NID2: variants seen among roughly 807,000 people sequenced by gnomAD.
NID2 encodes the protein nidogen 2, also known as nidogen-2.
Under a neutral mutation model 145.4 loss-of-function variants are expected in NID2, and 83 were observed. That is an observed-to-expected ratio of 0.57 (90% confidence interval 0.48 to 0.69). The LOEUF (loss-of-function observed/expected upper bound fraction) is 0.69. Ranked by LOEUF, NID2 falls within the 30% of genes least tolerant of loss-of-function variation. The pLI is 0.00. For synonymous variants in NID2, 739 were observed against 701.3 expected, an observed-to-expected ratio of 1.05 and a Z score of -0.85; for missense variants, 1,807 against 1,765.7, an observed-to-expected ratio of 1.02 and a Z score of -0.42.
Position 52,042,165 on chromosome 14 carries a change from G to A in NID2, c.1765C>T (p.Leu589=). The stretch of plus-strand genomic sequence containing the variant: ...TCTAAAGCAAAGAGCCAGCCAAACA[G>A]GCCTCCAATTGGTGTGAGGGGGAGG... ...ALLPLTPIGG[L]FGWLFALEKP... The change falls in exon 7 of 22, where the codon CTG becomes TTG. Residue 589 remains leucine (L), a synonymous_variant. Coordinates refer to ENST00000216286, the MANE Select transcript of NID2 (RefSeq NM_007361.4). The A allele has an allele frequency of 6.2e-7, 1 of 1,613,482 alleles. No homozygotes were observed. The highest frequency in any genetic ancestry group is 8.5e-7 in the Non-Finnish European group (1 of 1,179,530).
intron 12 of NID2, among the ~76,000 whole-genome samples, chr14:52,022,418 A>G (rs945501722): frequency 6.6e-6 from 1 of 152,162 alleles, no homozygotes; most frequent in Non-Finnish European, 1.5e-5. Flanking sequence ...TCACACCATG[A>G]TAGAGACTAG....
chr14:52,068,860 G>A lies in NID2; in HGVS notation c.135C>T (p.Asp45=). Residue 45 remains aspartate, a synonymous_variant, in exon 1 of 22, where the codon GAC becomes GAT. Coordinates refer to ENST00000216286, the MANE Select transcript of NID2 (RefSeq NM_007361.4). ...ELFPHGESWG[D]QLLQEGDDES... ...CGTCGTCGCCTTCCTGCAGGAGCTG[G>A]TCCCCCCACGACTCCCCGTGTGGGA... is the stretch of plus-strand genomic sequence containing the variant. 1 of 1,613,752 alleles carries A rather than the reference G, an allele frequency of 6.2e-7. No individual in the cohort carries two copies. The highest frequency in any genetic ancestry group is 8.5e-7 in the Non-Finnish European group (1 of 1,180,022).
Position 52,020,061 on chromosome 14 carries a change from G to C in NID2, c.2792C>G (p.Pro931Arg). 6.2e-7 allele frequency: 1 copy of C among 1,613,900 alleles called. No individual in the cohort carries two copies. Among genetic ancestry groups the C allele is most frequent in the Non-Finnish European group, 8.5e-7 (1 of 1,179,812 alleles). ...GYYGDGFQCI[P>R]DSTSSLTPCE... Reference sequence around the variant, plus strand: ...TAATCTGGCCCTCTGAAACTTACCAGGTATGCACTGAAATCCATCCCCATA... The same window carrying C: ...TAATCTGGCCCTCTGAAACTTACCACGTATGCACTGAAATCCATCCCCATA... The change falls in exon 13 of 22, where the codon CCT becomes CGT. Residue 931 changes from proline (P) to arginine (R), a missense_variant and splice_region_variant. Physicochemically the swap from Pro to Arg is moderately radical, Grantham distance 103. Coordinates refer to ENST00000216286, the MANE Select transcript of NID2 (RefSeq NM_007361.4).
In NID2 at chr14:52,014,332, G is replaced by T; in HGVS notation, c.3375C>A (p.Gly1125=). The T allele has an allele frequency of 6.2e-7, 1 of 1,614,242 alleles. No individual in the cohort carries two copies. The highest frequency in any genetic ancestry group is 8.5e-7 in the Non-Finnish European group (1 of 1,180,044). The change falls in exon 16 of 22, where the codon GGC becomes GGA. Residue 1125 remains glycine, a synonymous_variant. Transcript: ENST00000216286. ...TAGCTGCATCCTTCTGAAGCCTGGT[G>T]CCATTGAGGGGTAAGTAGCCAATCT... ...GQQIGYLPLN[G]TRLQKDAAKT...
At chr14:52,063,505 T>G (rs1280086442) in intron 2 of NID2, among the ~76,000 whole-genome samples, 1 of 152,240 alleles carries the variant, frequency 6.6e-6, no homozygotes, top group East Asian at 1.9e-4. Flanking sequence ...GCATGCAACA[T>G]ACACCCCTCT....
chr14:52,036,749 T>A (rs1194657296), intron 9 of NID2, among the ~76,000 whole-genome samples: 1 of 152,244 alleles, frequency 6.6e-6, no homozygotes, highest in Non-Finnish European at 1.5e-5. Context: ...ATTTCCCTGA[T>A]GACTAATGAT....
intron 15 of NID2, 116 bp from the exon 16 acceptor site, chr14:52,014,572 T>C (rs1891149961): frequency 3.0e-6 from 3 of 1,008,810 alleles, no homozygotes; most frequent in African/African-American, 1.6e-5. Flanking sequence ...TTCTTCGCCC[T>C]ACGCAGATGT....
chr14:52,040,405 G>T lies in NID2; in HGVS notation c.2026+246C>A, dbSNP rs6572811. On this transcript the variant is annotated intron_variant, in intron 8 of 21. Coordinates refer to ENST00000216286, the MANE Select transcript of NID2 (RefSeq NM_007361.4). Reference sequence around the variant, plus strand: ...CATCCCTACCCACCCCATGGACAATGTTGCTATTGATTTTATTATTTGAAA... The same window carrying T: ...CATCCCTACCCACCCCATGGACAATTTTGCTATTGATTTTATTATTTGAAA... Among the ~76,000 whole-genome samples the T allele has an allele frequency of 9.7e-3, 1,480 of 152,228 alleles. 9 individuals are homozygous for T. Among genetic ancestry groups the T allele is most frequent in the Middle Eastern group, 0.034 (10 of 294 alleles).
chr14:52,053,921 G>T lies in NID2; in HGVS notation c.1087C>A (p.Pro363Thr). 1 of 1,613,700 alleles carries T rather than the reference G, an allele frequency of 6.2e-7. No individual in the cohort carries two copies. The stretch of plus-strand genomic sequence containing the variant: ...AGAGATGTTCCTTCTTTGGTGTGAG[G>T]ATCCAAGGTGGAAGATTCTGTTTCA... ...KPLEESSTLD[P>T]HTKEGTSLGE... Residue 363 changes from proline to threonine, a missense_variant, in exon 5 of 22, where the codon CCT becomes ACT. Physicochemically the swap from Pro to Thr is conservative, Grantham distance 38 (BLOSUM62 -1). Coordinates refer to ENST00000216286, the MANE Select transcript of NID2 (RefSeq NM_007361.4).
intron 3 of NID2, among the ~76,000 whole-genome samples, chr14:52,056,376 T>C (rs912268010): frequency 6.6e-6 from 1 of 152,158 alleles, no homozygotes; most frequent in African/African-American, 2.4e-5. Context: ...TCCAAGGTCA[T>C]TTGGAAAGCT....
intron 2 of NID2, among the ~76,000 whole-genome samples, chr14:52,065,955 C>A (rs1267538876): frequency 1.3e-5 from 2 of 148,666 alleles, no homozygotes; most frequent in Non-Finnish European, 3.0e-5. Flanking sequence ...AATAGTGCCG[C>A]AATAAACATA....
In NID2 at chr14:52,010,906, G is replaced by A. The variant is rs2140346136; in HGVS notation, c.3692C>T (p.Pro1231Leu). The change falls in exon 18 of 22, where the codon CCC becomes CTC. Residue 1231 changes from proline to leucine, a missense_variant. Physicochemically the swap from Pro to Leu is moderately conservative, Grantham distance 98. Transcript: ENST00000216286. ...GATTGGATCCACAGCGATGGCACGG[G>A]GATTCACCAGATCTGTGTAGAAGAG... ...KVLFYTDLVN[P>L]RAIAVDPIRG... The A allele has an allele frequency of 1.2e-6, 2 of 1,613,674 alleles. No individual in the cohort carries two copies. Among genetic ancestry groups the A allele is most frequent in the Non-Finnish European group, 1.7e-6 (2 of 1,180,020 alleles).
chr14:52,014,919 A>G (rs1595005750), intron 15 of NID2, 135 bp downstream of exon 15: 2 of 732,612 alleles, frequency 2.7e-6, no homozygotes, highest in African/African-American at 1.8e-5. Context: ...CAGATTATAA[A>G]TCAACATAGC....
At position 52,015,192 on chromosome 14, in the gene NID2, G is replaced by GACCA. The variant is rs1331459215; in HGVS notation, c.3111_3112insTGGT (p.Gln1038TrpfsTer9). ...AGGTCATCGCACTGGGGCACGTACT[G>GACCA]GTCATCCCGGGGGGTGCCACCGTAG... On this transcript the variant is annotated frameshift_variant, in exon 15 of 22. Transcript: ENST00000216286. LOFTEE classifies it high-confidence loss of function. 6.2e-7 allele frequency: 1 copy of GACCA among 1,613,950 alleles called. No homozygotes were observed. The highest frequency in any genetic ancestry group is 1.3e-5 in the African/African-American group (1 of 74,908).
intron 2 of NID2, among the ~76,000 whole-genome samples, chr14:52,065,199 G>A (rs1893145496): frequency 6.6e-6 from 1 of 152,126 alleles, no homozygotes. Flanking sequence ...AACTGCAATT[G>A]TTTTTAATGG....
At chr14:52,050,733 G>A (rs1008889629) in intron 5 of NID2, among the ~76,000 whole-genome samples, 9 of 152,046 alleles carry the variant, frequency 5.9e-5, no homozygotes, top group Non-Finnish European at 1.0e-4. Flanking sequence ...TCAGTCTCCC[G>A]AGTAGCTAGG....
chr14:52,065,446 ATCC>A (rs1406877692), intron 2 of NID2, among the ~76,000 whole-genome samples: 3 of 140,520 alleles, frequency 2.1e-5, no homozygotes, highest in African/African-American at 5.5e-5. Flanking sequence ...TCCAAACAGA[ATCC>A]TCCTTTCTTT....
intron 12 of NID2, among the ~76,000 whole-genome samples, chr14:52,021,496 G>A (rs917311158): frequency 3.3e-5 from 5 of 152,132 alleles, no homozygotes; most frequent in African/African-American, 4.8e-5. Flanking sequence ...GTGCTTTCTC[G>A]AATACCATTA....
chr14:52,055,271 A>G (rs1892808042), intron 3 of NID2, among the ~76,000 whole-genome samples: 1 of 152,240 alleles, frequency 6.6e-6, no homozygotes, highest in African/African-American at 2.4e-5. Context: ...TTATATTATG[A>G]CAGAAAACCA....
Sources: gnomAD v4.1 joint callset for allele counts (sites outside exome capture counted in the v4.1 genomes callset) on GRCh38, gnomAD v4.1.1 for gene constraint, MANE v1.5 for transcripts, NCBI Gene and HGNC (gene_info 2026-07-23, HGNC 2026-07-21) for gene names.